The following HERC6 variants were observed in gnomAD, a reference collection of about 807,000 sequenced individuals.
HERC6 encodes the protein probable E3 ubiquitin-protein ligase HERC6.
Under a neutral mutation model 114.5 loss-of-function variants are expected in HERC6, and 101 were observed. The ratio of observed to expected loss-of-function variants is 0.88; its 90% CI spans 0.75 to 1.04. The LOEUF (loss-of-function observed/expected upper bound fraction) is 1.04, where lower values mean the gene tolerates loss of function less well. HERC6 is among the 50% of genes least tolerant of loss of function. HERC6 has a pLI of 0.00. For synonymous variants in HERC6, 408 were observed against 436.2 expected (o/e 0.94, Z 0.81); for missense variants, 1,133 against 1,230.9 (o/e 0.92, Z 1.19).
rs772510363 is a variant in HERC6, at chr4:88,396,068, C to A, written c.813C>A (p.Ser271Arg). ...ATCGCTCTGGACAGCTGGGATACAG[C>A]CCCACTCCTGAGAAGAGAGGTCCAC... ...GDNRSGQLGY[S>R]PTPEKRGPQL... The change falls in exon 6 of 23, where the codon AGC becomes AGA. Residue 271 changes from serine to arginine, a missense_variant. This residue lies in a region of HERC6 where 735 missense variants were observed against 754.0 expected (regional missense o/e 0.97). Transcript: ENST00000264346. 27 of 1,608,390 alleles carry A rather than the reference C, an allele frequency of 1.7e-5. No homozygotes were observed. The highest frequency in any genetic ancestry group is 2.3e-5 in the Non-Finnish European group (27 of 1,177,190).
At position 88,418,890 on chromosome 4, in the gene HERC6, A is replaced by G. The variant is rs1384711295; in HGVS notation, c.1713+1311A>G. Among the ~76,000 whole-genome samples the G allele has an allele frequency of 2.0e-5, 3 of 151,920 alleles. No individual in the cohort carries two copies. In the South Asian group the frequency reaches 6.3e-4, roughly 32 times the overall value. The stretch of plus-strand genomic sequence containing the variant: ...TACAGGCACCTGCCACCACACCCAG[A>G]TAATTTTTGTATGTTTAATAGAGAT... On this transcript the variant is annotated intron_variant, in intron 13 of 22. Coordinates refer to ENST00000264346, the MANE Select transcript of HERC6 (RefSeq NM_017912.4).
intron 2 of HERC6, 140 bp from the exon 3 acceptor site, chr4:88,385,359 A>C (rs62310036): frequency 0.063 from 36,660 of 582,234 alleles, 1,902 homozygotes; most frequent in East Asian, 0.18. Flanking sequence ...CTTTGAAATA[A>C]AGGTACTATA....
At chr4:88,388,640 C>T (rs1734728143) in intron 3 of HERC6, among the ~76,000 whole-genome samples, 2 of 151,830 alleles carry the variant, frequency 1.3e-5, no homozygotes, top group Admixed American at 6.6e-5. Flanking sequence ...AGCAATTACC[C>T]CAATGCTCCA....
At chr4:88,415,050 G>A (rs1336908070) in intron 12 of HERC6, among the ~76,000 whole-genome samples, 1 of 152,128 alleles carries the variant, frequency 6.6e-6, no homozygotes, top group Non-Finnish European at 1.5e-5. Flanking sequence ...AAGGTACAGA[G>A]GATATGTACA....
At position 88,385,522 on chromosome 4, in the gene HERC6, TA is replaced by T; in HGVS notation, c.388del (p.Ile130Ter). 3 of 1,484,042 alleles carry T rather than the reference TA, an allele frequency of 2.0e-6. No individual in the cohort carries two copies. The highest frequency in any genetic ancestry group is 2.7e-6 in the Non-Finnish European group (3 of 1,102,118). 91.9% of individuals were successfully genotyped at this position (1,484,042 alleles called of 1,614,324 possible). On this transcript the variant is annotated frameshift_variant, in exon 3 of 23. Coordinates refer to ENST00000264346, the MANE Select transcript of HERC6 (RefSeq NM_017912.4). LOFTEE classifies it high-confidence loss of function. ...AGGAAAATAATGACTCTGAATGATA[TA>T]AAAATAATACAAGTTTCCTGTGGAC... ...TPKKIMTLND[I>X]KIIQVSCGHY...
chr4:88,431,080 G>C (rs1738149809), intron 16 of HERC6, 82 bp from the exon 17 acceptor site: 3 of 1,210,830 alleles, frequency 2.5e-6, no homozygotes, highest in Non-Finnish European at 3.5e-6. Flanking sequence ...TGCAAGAATG[G>C]TCGTTAGAGG....
chr4:88,421,898 T>C (rs1364774543), intron 13 of HERC6, among the ~76,000 whole-genome samples: 1 of 152,254 alleles, frequency 6.6e-6, no homozygotes, highest in Non-Finnish European at 1.5e-5. Flanking sequence ...TGCCCATTTC[T>C]GTATCTTATT....
Position 88,399,177 on chromosome 4 carries a change from A to G in HERC6, c.1092+968A>G, listed in dbSNP as rs1404047518. The G allele has an allele frequency of 4.6e-5, 7 of 152,342 alleles. No homozygotes were observed. In the South Asian group the frequency reaches 6.2e-4, roughly 14 times the overall value. The allele number at this position is 152,342 out of a possible 1,614,324, so 9.4% of individuals were successfully genotyped here. On this transcript the variant is annotated intron_variant, in intron 8 of 22. Coordinates refer to ENST00000264346, the MANE Select transcript of HERC6 (RefSeq NM_017912.4). ...AAACTTGATGTTTAAAACATTCCTG[A>G]CGACAGGAAAAAGTACAAATTAGAA...
chr4:88,399,641 C>T lies in HERC6; in HGVS notation c.1092+1432C>T, dbSNP rs188419323. 739 of 151,974 alleles carry T rather than the reference C, an allele frequency of 4.9e-3. 7 individuals are homozygous for T. Among genetic ancestry groups the T allele is most frequent in the Non-Finnish European group, 4.8e-3 (329 of 68,032 alleles). The allele number at this position is 151,974 out of a possible 1,614,324, so 9.4% of individuals were successfully genotyped here. Reference sequence around the variant, plus strand: ...CAAAAACTAGCTGGGAGTGGTGGTACGAGCCTGTAATCCCAGCTACTTGGG... The same window carrying T: ...CAAAAACTAGCTGGGAGTGGTGGTATGAGCCTGTAATCCCAGCTACTTGGG... On this transcript the variant is annotated intron_variant, in intron 8 of 22. Transcript: ENST00000264346.
Position 88,401,155 on chromosome 4 carries a change from G to A in HERC6, c.1092+2946G>A, listed in dbSNP as rs1735513479. Among the ~76,000 whole-genome samples the A allele has an allele frequency of 2.0e-5, 3 of 152,154 alleles. No homozygotes were observed. The South Asian group carries it at 6.2e-4, about 32-fold the overall frequency. ...TGTGACAACTCTGAGAAATTTTGAT[G>A]TGAAGAGAATAGAGAACTGCGAGAG... On this transcript the variant is annotated intron_variant, in intron 8 of 22. Coordinates refer to ENST00000264346, the MANE Select transcript of HERC6 (RefSeq NM_017912.4).
chr4:88,396,156 T>C lies in HERC6; in HGVS notation c.887+14T>C. The C allele has an allele frequency of 6.5e-7, 1 of 1,547,132 alleles. No individual in the cohort carries two copies. On this transcript the variant is annotated intron_variant, in intron 6 of 22. Coordinates refer to ENST00000264346, the MANE Select transcript of HERC6 (RefSeq NM_017912.4). The stretch of plus-strand genomic sequence containing the variant: ...AGATTGTGGAAGGTAATAGGCTTCT[T>C]CTTCTTCTTTTTCTTAGCATGTGTA...
chr4:88,421,099 T>C (rs1210269073), intron 13 of HERC6, among the ~76,000 whole-genome samples: 1 of 152,264 alleles, frequency 6.6e-6, no homozygotes, highest in Admixed American at 6.5e-5. Flanking sequence ...GGTTCATCTA[T>C]GTTGGAGTAT....
chr4:88,406,755 T>G (rs577787249), intron 10 of HERC6, among the ~76,000 whole-genome samples: 1 of 152,038 alleles, frequency 6.6e-6, no homozygotes, highest in African/African-American at 2.4e-5. Context: ...GTTTTTTTAT[T>G]ATTTATTTAT....
chr4:88,380,577 C>T (rs1446555997), intron 1 of HERC6, among the ~76,000 whole-genome samples: 8 of 147,044 alleles, frequency 5.4e-5, no homozygotes, highest in Admixed American at 3.5e-4. Flanking sequence ...ATAAACTGGG[C>T]GTGGTGGCGG....
chr4:88,413,906 G>A (rs1253669745), intron 12 of HERC6, among the ~76,000 whole-genome samples: 1 of 152,154 alleles, frequency 6.6e-6, no homozygotes, highest in Non-Finnish European at 1.5e-5. Context: ...GAATTGGAAT[G>A]AGCCTGAGAG....
At chr4:88,433,665 C>T (rs1738464064) in intron 17 of HERC6, among the ~76,000 whole-genome samples, 1 of 152,180 alleles carries the variant, frequency 6.6e-6, no homozygotes, top group South Asian at 2.1e-4. Flanking sequence ...TACAACTGCT[C>T]AGTCTTGGAC....
chr4:88,411,178 T>G (rs1736079303), intron 11 of HERC6, among the ~76,000 whole-genome samples: 1 of 152,190 alleles, frequency 6.6e-6, no homozygotes, highest in Non-Finnish European at 1.5e-5. Flanking sequence ...ATGAAGTATA[T>G]TTCTTAAATG....
At chr4:88,390,985 T>G in intron 4 of HERC6, 106 bp downstream of exon 4, 1 of 879,452 alleles carries the variant, frequency 1.1e-6, no homozygotes, top group South Asian at 1.7e-5. Flanking sequence ...TTCCCAAACT[T>G]GTGACACATT....
At position 88,380,330 on chromosome 4, in the gene HERC6, TATATAAATATATATATA is replaced by T. The variant is rs1410654222; in HGVS notation, c.199+1233_199+1249del. 6.7e-4 allele frequency among the ~76,000 whole-genome samples: 26 copies of T among 38,764 alleles called. 1 individual carries two copies. Among genetic ancestry groups the T allele is most frequent in the East Asian group, 3.0e-3 (4 of 1,312 alleles). The allele number at this position is 38,764 out of a possible 152,430, so 25.4% of individuals were successfully genotyped here. A position where few individuals can be genotyped will look rare whatever the true frequency, so the allele number is the denominator to read the frequency against. On this transcript the variant is annotated intron_variant, in intron 1 of 22. Coordinates refer to ENST00000264346, the MANE Select transcript of HERC6 (RefSeq NM_017912.4). ...ATATAATATATAAATATATATATAA[TATATAAATATATATATA>T]ATATAAATATATATATAATATATAA...
Sources: allele counts gnomAD v4.1 joint callset (sites outside exome capture counted in the v4.1 genomes callset), GRCh38; gene constraint gnomAD v4.1.1; regional missense constraint gnomAD v4.1.1; transcripts MANE v1.5; gene names NCBI Gene and HGNC (gene_info 2026-07-23, HGNC 2026-07-21).